The following BRCA2 variants were observed in gnomAD, a reference collection of about 807,000 sequenced individuals.
The protein encoded by BRCA2 is BRCA2 DNA repair associated.
Under a neutral mutation model 276.7 loss-of-function variants are expected in BRCA2, and 203 were observed. The ratio of observed to expected loss-of-function variants is 0.73; its 90% CI spans 0.65 to 0.82. The LOEUF (loss-of-function observed/expected upper bound fraction) is 0.82. Ranked by LOEUF, BRCA2 falls within the 40% of genes least tolerant of loss-of-function variation. The pLI is 0.00. For missense variants in BRCA2, 3,920 were observed against 3,915.0 expected (o/e 1.00, Z -0.03); for synonymous variants, 1,289 against 1,338.4 (o/e 0.96, Z 0.81).
rs398122713 is a variant in BRCA2, at chr13:32,379,298, A to G, written c.8755-19A>G. On this transcript the variant is annotated intron_variant, in intron 21 of 26. Coordinates refer to ENST00000380152, the MANE Select transcript of BRCA2 (RefSeq NM_000059.4). ...TTTGTTCTGATTGCTTTTTATTCCA[A>G]TATCTTAAATGGTCACAGGGTTATT... 19 of 1,612,782 alleles carry G rather than the reference A, an allele frequency of 1.2e-5. No homozygotes were observed. The African/African-American group carries it at 1.2e-4, about 10-fold the overall frequency.
intron 13 of BRCA2, among the ~76,000 whole-genome samples, chr13:32,353,809 G>A (rs538645241): frequency 2.6e-5 from 4 of 152,280 alleles, no homozygotes; most frequent in Admixed American, 1.3e-4. Context: ...TCAAGTATTA[G>A]GAAGACCACG....
rs80359406 is a variant in BRCA2, at chr13:32,338,208, GAAA to G, written c.3858_3860del (p.Lys1286del). ...AAATCATAATGATAAAACTGTAAGT[GAAA>G]AAAATAATAAATGCCAACTGATATT... On this transcript the variant is annotated inframe_deletion, in exon 11 of 27. Coordinates refer to ENST00000380152, the MANE Select transcript of BRCA2 (RefSeq NM_000059.4). 113 of 1,544,016 alleles carry G rather than the reference GAAA, an allele frequency of 7.3e-5. No individual in the cohort carries two copies. In the African/African-American group the frequency reaches 1.2e-3, roughly 17 times the overall value.
chr13:32,360,400 C>T (rs141080943), intron 16 of BRCA2, among the ~76,000 whole-genome samples: 1 of 152,288 alleles, frequency 6.6e-6, no homozygotes, highest in Non-Finnish European at 1.5e-5. Context: ...CACTCTATTG[C>T]TCAGGCTGGA....
At position 32,363,417 on chromosome 13, in the gene BRCA2, G is replaced by T. The variant is rs80359069; in HGVS notation, c.8215G>T (p.Val2739Phe). The T allele has an allele frequency of 8.1e-6, 13 of 1,614,052 alleles. No homozygotes were observed. Among genetic ancestry groups the T allele is most frequent in the Non-Finnish European group, 1.1e-5 (13 of 1,180,034 alleles). ...CCAGTTAGATCCTCCCCTCTTAGCT[G>T]TCTTAAAGAATGGCAGACTGACAGT... Reference protein sequence around the residue: ...KAQLDPPLLAVLKNGRLTVGQ... With the variant: ...KAQLDPPLLAFLKNGRLTVGQ... Residue 2739 changes from valine (V) to phenylalanine (F), a missense_variant, in exon 18 of 27, where the codon GTC (valine) becomes TTC (phenylalanine). By Grantham distance (50) the Val-to-Phe change is conservative (BLOSUM62 -1). This residue lies in a region of BRCA2 where 3,263 missense variants were observed against 3,156.9 expected (regional missense o/e 1.03). Coordinates refer to ENST00000380152, the MANE Select transcript of BRCA2 (RefSeq NM_000059.4).
In BRCA2 at chr13:32,398,915, C is replaced by T. The variant is rs2137669020; in HGVS notation, c.*145C>T. 4.5e-6 allele frequency: 5 copies of T among 1,116,910 alleles called. No homozygotes were observed. Among genetic ancestry groups the T allele is most frequent in the South Asian group, 1.7e-5 (1 of 57,294 alleles). 69.2% of individuals were successfully genotyped at this position (1,116,910 alleles called of 1,614,324 possible). On this transcript the variant is annotated 3_prime_UTR_variant, in exon 27 of 27. Coordinates refer to ENST00000380152, the MANE Select transcript of BRCA2 (RefSeq NM_000059.4). ...CAAATTTACCTCAGCGTTTGTGTAT[C>T]GGGCAAAAATCGTTTTGCCCGATTC...
chr13:32,319,953 C>T (rs2072295728), intron 3 of BRCA2, among the ~76,000 whole-genome samples: 1 of 151,990 alleles, frequency 6.6e-6, no homozygotes, highest in Non-Finnish European at 1.5e-5. Context: ...GAAGAAAGAG[C>T]AAATAGTATT....
chr13:32,399,343 C>T lies in BRCA2; in HGVS notation c.*573C>T, dbSNP rs185674638. Reference sequence around the variant, plus strand: ...TAGGGGATTTTTTTTAGAGGTAACTCACTATGAAATAGTTCTCCTTAATGC... The same window carrying T: ...TAGGGGATTTTTTTTAGAGGTAACTTACTATGAAATAGTTCTCCTTAATGC... On this transcript the variant is annotated 3_prime_UTR_variant, in exon 27 of 27. Transcript: ENST00000380152. 2 of 192,480 alleles carry T rather than the reference C, an allele frequency of 1.0e-5. No individual in the cohort carries two copies. The highest frequency in any genetic ancestry group is 2.3e-5 in the African/African-American group (1 of 43,224). 11.9% of individuals were successfully genotyped at this position (192,480 alleles called of 1,614,324 possible).
intron 24 of BRCA2, among the ~76,000 whole-genome samples, chr13:32,388,391 T>G (rs2072975819): frequency 6.6e-6 from 1 of 152,168 alleles, no homozygotes; most frequent in Non-Finnish European, 1.5e-5. Flanking sequence ...AGTGCTGGGA[T>G]TATAGGCTTG....
chr13:32,378,261 T>A (rs922328345), intron 21 of BRCA2, among the ~76,000 whole-genome samples: 6 of 152,220 alleles, frequency 3.9e-5, no homozygotes, highest in Admixed American at 3.9e-4. Flanking sequence ...AAGTGATGTA[T>A]TTATTTCTTA....
In BRCA2 at chr13:32,356,581, A is replaced by C. The variant is rs1252591831; in HGVS notation, c.7589A>C (p.Gln2530Pro). 1 of 1,614,124 alleles carries C rather than the reference A, an allele frequency of 6.2e-7. No individual in the cohort carries two copies. Among genetic ancestry groups the C allele is most frequent in the African/African-American group, 1.3e-5 (1 of 74,952 alleles). ...RISLKAAVGGQVPSACSHKQL... is the reference protein window; with the variant it reads ...RISLKAAVGGPVPSACSHKQL... ...TCTCTGAAAGCAGCAGTAGGAGGCC[A>C]AGTTCCCTCTGCGTGTTCTCATAAA... Residue 2530 changes from glutamine to proline, a missense_variant, in exon 15 of 27, where the codon CAA becomes CCA. Around this residue, in one of 2 missense-constraint regions of BRCA2, gnomAD observed 3,263 missense variants for 3,156.9 expected, o/e 1.03. Transcript: ENST00000380152.
Position 32,340,385 on chromosome 13 carries a change from C to CT in BRCA2, c.6034dup (p.Ser2012PhefsTer6), listed in dbSNP as rs397507823. ...AAATAGAAGATAGTACCAAGCAAGT[C>CT]TTTTCCAAAGTATTGTTTAAAAGTA... On this transcript the variant is annotated frameshift_variant, in exon 11 of 27. Coordinates refer to ENST00000380152, the MANE Select transcript of BRCA2 (RefSeq NM_000059.4). LOFTEE classifies it high-confidence loss of function. The CT allele has an allele frequency of 6.2e-7, 1 of 1,613,846 alleles. No homozygotes were observed. The highest frequency in any genetic ancestry group is 8.5e-7 in the Non-Finnish European group (1 of 1,179,824).
Position 32,326,488 on chromosome 13 carries a change from T to C in BRCA2, c.517-11T>C, listed in dbSNP as rs81002828. 6 of 1,580,020 alleles carry C rather than the reference T, an allele frequency of 3.8e-6. No homozygotes were observed. Among genetic ancestry groups the C allele is most frequent in the Admixed American group, 3.3e-5 (2 of 59,942 alleles). The stretch of plus-strand genomic sequence containing the variant: ...TTTCTATAAAAAATAAACTATTTTC[T>C]TTCCTCCCAGGGTCGTCAGACACCA... On this transcript the variant is annotated splice_polypyrimidine_tract_variant and intron_variant, in intron 6 of 26. Coordinates refer to ENST00000380152, the MANE Select transcript of BRCA2 (RefSeq NM_000059.4).
chr13:32,344,831 T>A (rs2072600613), intron 12 of BRCA2, among the ~76,000 whole-genome samples, 178 bp downstream of exon 12: 1 of 152,108 alleles, frequency 6.6e-6, no homozygotes, highest in Non-Finnish European at 1.5e-5. Context: ...AGAGCATTTG[T>A]TTATGTGGAA....
In BRCA2 at chr13:32,398,626, T is replaced by C. The variant is rs779075029; in HGVS notation, c.10113T>C (p.Thr3371=). The change falls in exon 27 of 27, where the codon ACT becomes ACC. Residue 3371 remains threonine, a synonymous_variant. Transcript: ENST00000380152. ...QFISVSESTR[T]APTSSEDYLR... Reference sequence around the variant, plus strand: ...TATCTGTCAGTGAATCCACTAGGACTGCTCCCACCAGTTCAGAAGATTATC... The same window carrying C: ...TATCTGTCAGTGAATCCACTAGGACCGCTCCCACCAGTTCAGAAGATTATC... 2.5e-6 allele frequency: 4 copies of C among 1,614,070 alleles called. No individual in the cohort carries two copies. In the East Asian group the frequency reaches 8.9e-5, roughly 36 times the overall value.
chr13:32,346,205 TTAA>T (rs1383521885), intron 12 of BRCA2, among the ~76,000 whole-genome samples: 4 of 152,012 alleles, frequency 2.6e-5, no homozygotes, highest in Non-Finnish European at 5.9e-5. Context: ...AGGATTCTGT[TTAA>T]TAAAAATAAG....
At chr13:32,343,632 G>A (rs886496180) in intron 11 of BRCA2, among the ~76,000 whole-genome samples, 2 of 151,902 alleles carry the variant, frequency 1.3e-5, no homozygotes, top group East Asian at 1.9e-4. Flanking sequence ...TAATTCTTTT[G>A]TGGAAAATAA....
intron 21 of BRCA2, among the ~76,000 whole-genome samples, chr13:32,377,710 A>G (rs900900031): frequency 6.6e-6 from 1 of 152,162 alleles, no homozygotes; most frequent in East Asian, 1.9e-4. Flanking sequence ...AATTTTATAT[A>G]TTAAACTACC....
intron 20 of BRCA2, chr13:32,375,317 T>C: frequency 2.3e-6 from 1 of 427,778 alleles, no homozygotes; most frequent in South Asian, 1.8e-5. Flanking sequence ...ATTCTAGTTC[T>C]CTTGCTATTT....
At chr13:32,348,740 G>A (rs11571689) in intron 13 of BRCA2, among the ~76,000 whole-genome samples, 2 of 152,152 alleles carry the variant, frequency 1.3e-5, no homozygotes, top group African/African-American at 4.8e-5. Context: ...CAACATAGAA[G>A]AGAGGCAAAG....
Sources: allele counts gnomAD v4.1 joint callset (sites outside exome capture counted in the v4.1 genomes callset), GRCh38; gene constraint gnomAD v4.1.1; regional missense constraint gnomAD v4.1.1; transcripts MANE v1.5; gene names NCBI Gene and HGNC (gene_info 2026-07-23, HGNC 2026-07-21).